MRTFB: variants seen among roughly 807,000 people sequenced by gnomAD.
MRTFB encodes the protein myocardin-related transcription factor B.
Under a neutral mutation model 104.2 loss-of-function variants are expected in MRTFB, and 29 were observed. The ratio of observed to expected loss-of-function variants is 0.28; its 90% confidence interval spans 0.21 to 0.38. The LOEUF is 0.38. Among genes scored for constraint, MRTFB ranks in the 10% least tolerant of loss-of-function variants. The pLI is 1.00. For synonymous variants in MRTFB, 535 were observed against 519.5 expected (o/e 1.03, Z -0.41); for missense variants, 1,270 against 1,341.6 (o/e 0.95, Z 0.83).
chr16:14,107,963 G>A (rs1596865209), intron 2 of MRTFB, among the ~76,000 whole-genome samples: 2 of 152,188 alleles, frequency 1.3e-5, no homozygotes, highest in East Asian at 3.9e-4. Flanking sequence ...TTTCGTTTCA[G>A]ATATTGGCCA....
intron 3 of MRTFB, among the ~76,000 whole-genome samples, chr16:14,202,499 C>A (rs1011999310): frequency 6.6e-6 from 1 of 152,128 alleles, no homozygotes. Context: ...ATTTGACTTT[C>A]TCCCCTTTGA....
chr16:14,058,438 C>T, the MRTFB span, among the ~76,000 whole-genome samples: 2 of 127,950 alleles, frequency 1.6e-5, no homozygotes, highest in Admixed American at 8.5e-5. Flanking sequence ...CCTCATGAGC[C>T]GGGCAATGTA....
chr16:14,210,196 C>G, intron 3 of MRTFB, 47 bp from the exon 4 acceptor site: 1 of 1,448,140 alleles, frequency 6.9e-7, no homozygotes, highest in Non-Finnish European at 9.7e-7. Context: ...TAAATCGGAT[C>G]CCACAGTTGC....
the MRTFB span, among the ~76,000 whole-genome samples, chr16:14,037,593 G>C: frequency 6.6e-6 from 1 of 152,262 alleles, no homozygotes; most frequent in East Asian, 1.9e-4. Context: ...CTCCGTATTG[G>C]GTGCTCTCAT....
chr16:14,166,268 A>T (rs1365508655), intron 3 of MRTFB, among the ~76,000 whole-genome samples: 17 of 147,242 alleles, frequency 1.2e-4, no homozygotes, highest in Non-Finnish European at 2.4e-4. Context: ...ATTCAACCAT[A>T]AAGAGAAGCT....
chr16:14,010,214 G>T, the MRTFB span, among the ~76,000 whole-genome samples: 1 of 152,100 alleles, frequency 6.6e-6, no homozygotes, highest in African/African-American at 2.4e-5. Context: ...AGGGAATTTA[G>T]CCCCCAACAA....
chr16:14,191,643 A>C (rs1305977245), intron 3 of MRTFB, among the ~76,000 whole-genome samples: 1 of 152,126 alleles, frequency 6.6e-6, no homozygotes, highest in Non-Finnish European at 1.5e-5. Flanking sequence ...AGAGTATTAT[A>C]CCCTTCTCTG....
At chr16:14,254,331 A>G (rs1401423315) in intron 15 of MRTFB, among the ~76,000 whole-genome samples, 1 of 152,246 alleles carries the variant, frequency 6.6e-6, no homozygotes, top group Non-Finnish European at 1.5e-5. Context: ...GAACGCATTG[A>G]AGAGTAAATA....
At chr16:14,076,124 G>T (rs1389887796) in intron 1 of MRTFB, among the ~76,000 whole-genome samples, 2 of 147,902 alleles carry the variant, frequency 1.4e-5, no homozygotes, top group Non-Finnish European at 3.0e-5. Flanking sequence ...TATTTTCCTT[G>T]CTTTTTTTTT....
At chr16:14,099,382 GTT>G (rs151000122) in intron 2 of MRTFB, among the ~76,000 whole-genome samples, 10 of 137,126 alleles carry the variant, frequency 7.3e-5, no homozygotes, top group Non-Finnish European at 8.0e-5. Flanking sequence ...TTTTTGGTGG[GTT>G]TTTTTTTTTT....
chr16:14,041,536 A>G, the MRTFB span, among the ~76,000 whole-genome samples: 2 of 152,186 alleles, frequency 1.3e-5, no homozygotes. Context: ...ATATGTATCT[A>G]CCACATTTTC....
At position 14,087,116 on chromosome 16, in the gene MRTFB, A is replaced by G. The variant is rs571358830; in HGVS notation, c.-64+7762A>G. On this transcript the variant is annotated intron_variant, in intron 2 of 16. Transcript: ENST00000571589. Reference sequence around the variant, plus strand: ...AAATTGAAGTACTTGTATGCAGTACAGAGAATAGATCCCTAGCAAAGCCAA... The same window carrying G: ...AAATTGAAGTACTTGTATGCAGTACGGAGAATAGATCCCTAGCAAAGCCAA... 2.6e-5 allele frequency among the ~76,000 whole-genome samples: 4 copies of G among 152,348 alleles called. No homozygotes were observed. The East Asian group carries it at 5.8e-4, about 22-fold the overall frequency.
At chr16:14,200,312 C>T in intron 3 of MRTFB, 2 of 1,606,028 alleles carry the variant, frequency 1.2e-6, no homozygotes, top group Admixed American at 3.3e-5. Context: ...CCGTACGCTG[C>T]TGCGCTGACG....
intron 15 of MRTFB, among the ~76,000 whole-genome samples, chr16:14,255,477 T>A (rs567911407): frequency 2.6e-4 from 40 of 152,282 alleles, no homozygotes; most frequent in African/African-American, 9.6e-4. Context: ...CGTTTAGAAG[T>A]TTTTAGGGAG....
intron 2 of MRTFB, among the ~76,000 whole-genome samples, chr16:14,093,573 A>G (rs949851557): frequency 5.9e-5 from 9 of 152,242 alleles, no homozygotes; most frequent in Admixed American, 2.0e-4. Flanking sequence ...AATCTAGGGT[A>G]TATAGATACT....
chr16:14,037,404 G>C, the MRTFB span, among the ~76,000 whole-genome samples: 1 of 152,216 alleles, frequency 6.6e-6, no homozygotes, highest in African/African-American at 2.4e-5. Flanking sequence ...CAGGTTTTAA[G>C]TGTTGAGGAG....
rs1555458547 is a variant in MRTFB, at chr16:14,243,863, G to GGTTTTTTTTTTTTTGTTTTTT, written c.1080-1650_1080-1649insTTTTTTGTTTTTTTTTTTTTG. 2.2e-4 allele frequency among the ~76,000 whole-genome samples: 26 copies of GGTTTTTTTTTTTTTGTTTTTT among 118,830 alleles called. 1 individual carries two copies. Among genetic ancestry groups the GGTTTTTTTTTTTTTGTTTTTT allele is most frequent in the African/African-American group, 1.3e-3 (26 of 19,618 alleles). The allele number at this position is 118,830 out of a possible 152,430, so 78.0% of individuals were successfully genotyped here. On this transcript the variant is annotated intron_variant, in intron 10 of 16. Coordinates refer to ENST00000571589, the MANE Select transcript of MRTFB (RefSeq NM_001308142.2). ...CCAGAGATTAGTTTTGCCTGTTTTG[G>GGTTTTTTTTTTTTTGTTTTTT]GTTTTTTTTTTTTTGAGACAGAGTC...
intron 1 of MRTFB, among the ~76,000 whole-genome samples, chr16:14,075,411 A>C (rs1015794042): frequency 4.6e-5 from 7 of 152,228 alleles, no homozygotes; most frequent in African/African-American, 1.4e-4. Context: ...GACCAACTGG[A>C]CCAGAATTTG....
intron 3 of MRTFB, among the ~76,000 whole-genome samples, chr16:14,205,444 T>A (rs941290692): frequency 1.3e-5 from 2 of 152,194 alleles, no homozygotes; most frequent in Non-Finnish European, 2.9e-5. Context: ...GGGGTAAATG[T>A]TTTGCACAGA....
Sources: allele counts gnomAD v4.1 joint callset (sites outside exome capture counted in the v4.1 genomes callset), GRCh38; gene constraint gnomAD v4.1.1; transcripts MANE v1.5; gene names NCBI Gene and HGNC (gene_info 2026-07-23, HGNC 2026-07-21).